The following NBEAL1 variants were observed in gnomAD, a reference collection of about 807,000 sequenced individuals.
NBEAL1 encodes neurobeachin like 1, also known as neurobeachin-like protein 1.
NBEAL1 carries 273 observed loss-of-function variants against 351.3 expected under a neutral mutation model. That is an observed-to-expected ratio of 0.78 (90% CI 0.70 to 0.86). NBEAL1 has a LOEUF of 0.86. NBEAL1 is among the 40% of genes least tolerant of loss of function. The probability of loss-of-function intolerance (pLI) is 0.00; values close to 1 mark genes in which losing one functional copy is unlikely to be tolerated. For missense variants in NBEAL1, 2,961 were observed against 3,201.3 expected, an observed-to-expected ratio of 0.92 and a Z score of 1.81; for synonymous variants, 1,050 against 1,086.4, an observed-to-expected ratio of 0.97 and a Z score of 0.66.
chr2:203,191,392 A>G (rs1347391179), intron 46 of NBEAL1: 1 of 266,522 alleles, frequency 3.8e-6, no homozygotes, highest in African/African-American at 2.3e-5. Context: ...ATTACTACAT[A>G]TATTTCTTTC....
chr2:203,188,458 T>C lies in NBEAL1; in HGVS notation c.6706-14T>C. The C allele has an allele frequency of 1.4e-6, 2 of 1,394,494 alleles. No individual in the cohort carries two copies. The highest frequency in any genetic ancestry group is 1.9e-6 in the Non-Finnish European group (2 of 1,030,838). The allele number at this position is 1,394,494 out of a possible 1,614,324, so 86.4% of individuals were successfully genotyped here. A position where few individuals can be genotyped will look rare whatever the true frequency, so the allele number is the denominator to read the frequency against. Reference sequence around the variant, plus strand: ...ATATCTCTATATTAATTATTAAATTTATTCTTTTTCTAGGAGTCTGAATAT... The same window carrying C: ...ATATCTCTATATTAATTATTAAATTCATTCTTTTTCTAGGAGTCTGAATAT... On this transcript the variant is annotated splice_polypyrimidine_tract_variant and intron_variant, in intron 44 of 55. Coordinates refer to ENST00000683969, the MANE Select transcript of NBEAL1 (RefSeq NM_001378026.1).
chr2:203,112,014 G>A lies in NBEAL1; in HGVS notation c.2118G>A (p.Arg706=). ...NITVVHMPGK[R]PFGQSFVYIY... is the part of the protein sequence containing the mutation. ...CTGTTGTCCACATGCCTGGAAAAAG[G>A]CCTTTTGGTCAGAGCTTCGTCTATA... is the stretch of plus-strand genomic sequence containing the variant. The change falls in exon 16 of 56, where the codon AGG becomes AGA. Residue 706 remains arginine (R), a synonymous_variant. Coordinates refer to ENST00000683969, the MANE Select transcript of NBEAL1 (RefSeq NM_001378026.1). The A allele has an allele frequency of 6.4e-7, 1 of 1,551,732 alleles. No individual in the cohort carries two copies. Among genetic ancestry groups the A allele is most frequent in the Admixed American group, 2.0e-5 (1 of 50,852 alleles).
At chr2:203,133,770 T>C (rs2063131149) in intron 27 of NBEAL1, among the ~76,000 whole-genome samples, 2 of 151,066 alleles carry the variant, frequency 1.3e-5, no homozygotes, top group African/African-American at 2.4e-5. Context: ...TATATATATA[T>C]ACACATATAT....
At position 203,040,319 on chromosome 2, in the gene NBEAL1, G is replaced by A. The variant is rs183094826; in HGVS notation, c.52-1446G>A. The A allele has an allele frequency of 1.7e-4, 123 of 735,022 alleles. 1 individual carries two copies. The highest frequency in any genetic ancestry group is 5.9e-5 in the South Asian group (4 of 68,032). The allele number at this position is 735,022 out of a possible 1,614,324, so 45.5% of individuals were successfully genotyped here. ...AAATGTGACAAGGTGCATCTCAGAC[G>A]ACTAGAAATGAGACCTCATGCCTTG... is the stretch of plus-strand genomic sequence containing the variant. On this transcript the variant is annotated intron_variant, in intron 2 of 55. Coordinates refer to ENST00000683969, the MANE Select transcript of NBEAL1 (RefSeq NM_001378026.1).
In NBEAL1 at chr2:203,016,264, C is replaced by A; in HGVS notation, c.-121C>A. On this transcript the variant is annotated 5_prime_UTR_variant, in exon 2 of 56. Coordinates refer to ENST00000683969, the MANE Select transcript of NBEAL1 (RefSeq NM_001378026.1). Reference sequence around the variant, plus strand: ...AGTCCATTTGTTTCACTTCTTTTTGCTTTCTTTACTGCTATGAGCTTTACT... The same window carrying A: ...AGTCCATTTGTTTCACTTCTTTTTGATTTCTTTACTGCTATGAGCTTTACT... 3 of 570,058 alleles carry A rather than the reference C, an allele frequency of 5.3e-6. No individual in the cohort carries two copies. The highest frequency in any genetic ancestry group is 8.5e-6 in the Non-Finnish European group (3 of 353,706). 35.3% of individuals were successfully genotyped at this position (570,058 alleles called of 1,614,324 possible).
At chr2:203,040,836 G>A in intron 2 of NBEAL1, 1 of 467,766 alleles carries the variant, frequency 2.1e-6, no homozygotes, top group Non-Finnish European at 4.1e-6. Flanking sequence ...GCTTCCTCAA[G>A]GAGATGGGCT....
At chr2:203,023,985 T>G (rs34769248) in intron 2 of NBEAL1, among the ~76,000 whole-genome samples, 3,101 of 152,002 alleles carry the variant, frequency 0.02, 52 homozygotes, top group East Asian at 0.072. Context: ...GAAGAAGAGT[T>G]TGTAAGTTTA....
At chr2:203,104,946 G>A (rs1385095325) in intron 12 of NBEAL1, among the ~76,000 whole-genome samples, 1 of 151,274 alleles carries the variant, frequency 6.6e-6, no homozygotes, top group Non-Finnish European at 1.5e-5. Context: ...TGCAACCCCT[G>A]CCTCCTGGGT....
chr2:203,035,209 C>T (rs2061022799), intron 2 of NBEAL1, among the ~76,000 whole-genome samples: 1 of 149,268 alleles, frequency 6.7e-6, no homozygotes, highest in East Asian at 1.9e-4. Flanking sequence ...TAAGTAATCA[C>T]ATGTGACTAG....
At chr2:203,121,910 C>T (rs563267007) in intron 18 of NBEAL1, among the ~76,000 whole-genome samples, 43 of 151,966 alleles carry the variant, frequency 2.8e-4, no homozygotes, top group African/African-American at 9.4e-4. Flanking sequence ...CTCAGCCTCC[C>T]GAGTAGCTGG....
At chr2:203,116,636 A>C (rs2062704185) in intron 18 of NBEAL1, among the ~76,000 whole-genome samples, 1 of 151,370 alleles carries the variant, frequency 6.6e-6, no homozygotes, top group South Asian at 2.1e-4. Flanking sequence ...CCAAAAAAAA[A>C]AAAAATAGCC....
intron 10 of NBEAL1, among the ~76,000 whole-genome samples, chr2:203,086,449 T>C (rs532451041): frequency 6.8e-4 from 104 of 152,316 alleles, no homozygotes; most frequent in African/African-American, 2.4e-3. Flanking sequence ...TTAGTTCAGC[T>C]CTCTTGAGGA....
intron 18 of NBEAL1, among the ~76,000 whole-genome samples, chr2:203,117,894 G>T (rs1431217513): frequency 1.4e-5 from 2 of 144,850 alleles, no homozygotes; most frequent in African/African-American, 2.6e-5. Flanking sequence ...TTACTCTGTT[G>T]CCCAGGCTAG....
chr2:203,136,249 A>G lies in NBEAL1; in HGVS notation c.4386A>G (p.Gln1462=), dbSNP rs898297652. 1 of 1,563,258 alleles carries G rather than the reference A, an allele frequency of 6.4e-7. No individual in the cohort carries two copies. The change falls in exon 28 of 56, where the codon CAA becomes CAG. Residue 1462 remains glutamine (Q), a synonymous_variant. Transcript: ENST00000683969. The part of the protein sequence containing the change: ...FSDDFSLLES[Q]ERCEEELLQL... ...ATGACTTCTCTTTACTTGAAAGCCA[A>G]GAGGTAAAATTGCTTATTTTTCCAA...
chr2:203,133,917 GTAT>G (rs1379089038), intron 27 of NBEAL1, among the ~76,000 whole-genome samples: 4 of 151,696 alleles, frequency 2.6e-5, no homozygotes, highest in Non-Finnish European at 5.9e-5. Context: ...ATTTAATAAA[GTAT>G]TATCTGGTTC....
chr2:203,207,501 C>T (rs1186137826), intron 51 of NBEAL1, among the ~76,000 whole-genome samples: 4 of 152,188 alleles, frequency 2.6e-5, no homozygotes, highest in Non-Finnish European at 4.4e-5. Flanking sequence ...ATTGAGAAAT[C>T]GGATGGTTGC....
At chr2:203,100,586 G>A (rs1192928401) in intron 12 of NBEAL1, among the ~76,000 whole-genome samples, 4 of 142,178 alleles carry the variant, frequency 2.8e-5, no homozygotes, top group Admixed American at 7.6e-5. Flanking sequence ...TCCCTCTGTC[G>A]CCCAAGCTGG....
chr2:203,118,439 A>G (rs957946568), intron 18 of NBEAL1, among the ~76,000 whole-genome samples: 3 of 152,226 alleles, frequency 2.0e-5, no homozygotes, highest in Non-Finnish European at 4.4e-5. Flanking sequence ...TCCCAAAGAT[A>G]CATGTTTGTT....
chr2:203,077,071 T>G (rs2061787804), intron 7 of NBEAL1, among the ~76,000 whole-genome samples: 1 of 152,132 alleles, frequency 6.6e-6, no homozygotes. Flanking sequence ...TTTTATTTTA[T>G]TTTTTAGAGG....
Sources: allele counts gnomAD v4.1 joint callset (sites outside exome capture counted in the v4.1 genomes callset), GRCh38; gene constraint gnomAD v4.1.1; transcripts MANE v1.5; gene names NCBI Gene and HGNC (gene_info 2026-07-23, HGNC 2026-07-21).